Variants in SDCCAG8 observed in about 807,000 individuals in gnomAD.
The protein encoded by SDCCAG8 is SHH signaling and ciliogenesis regulator SDCCAG8, also known as serologically defined colon cancer antigen 8.
Under a neutral mutation model 101.8 loss-of-function variants are expected in SDCCAG8, and 74 were observed. That is an observed-to-expected ratio of 0.73 (90% CI 0.60 to 0.88). The LOEUF (loss-of-function observed/expected upper bound fraction) is 0.88, where lower values mean the gene tolerates loss of function less well. Ranked by LOEUF, SDCCAG8 falls within the 40% of genes least tolerant of loss-of-function variation. SDCCAG8 has a pLI of 0.00. For synonymous variants in SDCCAG8, 281 were observed against 292.9 expected, an observed-to-expected ratio of 0.96 and a Z score of 0.41; for missense variants, 787 against 822.6, an observed-to-expected ratio of 0.96 and a Z score of 0.53.
chr1:243,387,789 C>T (rs1453201198), intron 13 of SDCCAG8, among the ~76,000 whole-genome samples: 12 of 152,184 alleles, frequency 7.9e-5, no homozygotes, highest in Admixed American at 7.9e-4. Flanking sequence ...GGTCTTGGCT[C>T]ACTACAACCT....
At chr1:243,380,482 A>T (rs1262184675) in intron 13 of SDCCAG8, among the ~76,000 whole-genome samples, 1 of 152,162 alleles carries the variant, frequency 6.6e-6, no homozygotes, top group Admixed American at 6.5e-5. Flanking sequence ...CCCTTTTGCC[A>T]TTCTGTCTTA....
intron 16 of SDCCAG8, among the ~76,000 whole-genome samples, chr1:243,472,445 A>AC (rs1423965404): frequency 6.6e-6 from 1 of 152,208 alleles, no homozygotes; most frequent in African/African-American, 2.4e-5. Flanking sequence ...TGTGCTGCAC[A>AC]CCATGGGGGC....
chr1:243,278,020 C>T (rs957663787), intron 4 of SDCCAG8, among the ~76,000 whole-genome samples: 4 of 152,080 alleles, frequency 2.6e-5, no homozygotes, highest in South Asian at 2.1e-4. Flanking sequence ...ATCAGTTTGT[C>T]GATATCCACA....
rs1046933962 is a variant in SDCCAG8 at position 243,460,864 on chromosome 1, G to A, written c.1986-28150G>A. ...GGAAGTCTGTGGCCTCTTAGCCTGT[G>A]CCTCCCAGCACACCTGAAGAAAACC... On this transcript the variant is annotated intron_variant, in intron 16 of 17. Coordinates refer to ENST00000366541, the MANE Select transcript of SDCCAG8 (RefSeq NM_006642.5). 3.3e-5 allele frequency among the ~76,000 whole-genome samples: 5 copies of A among 152,148 alleles called. No individual in the cohort carries two copies. In the East Asian group the frequency reaches 9.6e-4, roughly 29 times the overall value.
chr1:243,484,614 C>T (rs1283048102), intron 16 of SDCCAG8, among the ~76,000 whole-genome samples: 2 of 152,252 alleles, frequency 1.3e-5, no homozygotes, highest in African/African-American at 4.8e-5. Flanking sequence ...CATTTCTCTT[C>T]ATGCCTCAGT....
Position 243,488,996 on chromosome 1 carries a change from C to T in SDCCAG8, c.1986-18C>T. 1.2e-6 allele frequency: 2 copies of T among 1,613,222 alleles called. No homozygotes were observed. Among genetic ancestry groups the T allele is most frequent in the Non-Finnish European group, 1.7e-6 (2 of 1,180,020 alleles). On this transcript the variant is annotated intron_variant, in intron 16 of 17. Transcript: ENST00000366541. ...CTGACGTTATCCCTCTTTAATTCTG[C>T]GGTGGATTTTTCTCCAGGCTAAGGC...
chr1:243,489,213 A>G, intron 17 of SDCCAG8, 73 bp downstream of exon 17: 7 of 1,564,388 alleles, frequency 4.5e-6, no homozygotes, highest in Non-Finnish European at 6.1e-6. Flanking sequence ...ATGCACCTCA[A>G]CAGGCCGGCT....
intron 16 of SDCCAG8, among the ~76,000 whole-genome samples, chr1:243,480,756 A>C: frequency 1.5e-5 from 1 of 68,380 alleles, no homozygotes; most frequent in African/African-American, 6.3e-5. Flanking sequence ...TGGATGGGGG[A>C]TGGATGGATG....
chr1:243,313,795 C>A (rs539479129), intron 8 of SDCCAG8, among the ~76,000 whole-genome samples: 1 of 152,178 alleles, frequency 6.6e-6, no homozygotes, highest in Non-Finnish European at 1.5e-5. Context: ...CTGTGGATTG[C>A]GGGATCTAGA....
chr1:243,495,182 C>T (rs1667477804), intron 17 of SDCCAG8, among the ~76,000 whole-genome samples: 1 of 152,242 alleles, frequency 6.6e-6, no homozygotes, highest in Non-Finnish European at 1.5e-5. Flanking sequence ...GGACAGGTGG[C>T]ACCGCAGAGC....
intron 11 of SDCCAG8, among the ~76,000 whole-genome samples, chr1:243,343,202 A>T (rs1279232193): frequency 6.6e-6 from 1 of 152,250 alleles, no homozygotes. Context: ...AAAGTTTCCA[A>T]AATCATTATT....
chr1:243,437,630 G>A (rs1421365592), intron 16 of SDCCAG8, among the ~76,000 whole-genome samples: 1 of 148,934 alleles, frequency 6.7e-6, no homozygotes, highest in African/African-American at 2.5e-5. Context: ...CCCACCTCCC[G>A]GGTTCACGCC....
At chr1:243,455,489 G>A (rs1235793621) in intron 16 of SDCCAG8, among the ~76,000 whole-genome samples, 6 of 152,074 alleles carry the variant, frequency 3.9e-5, no homozygotes, top group African/African-American at 7.2e-5. Context: ...GGCTGGTCTC[G>A]ATCTCCTCAC....
chr1:243,345,385 G>T (rs1448500258), intron 12 of SDCCAG8, among the ~76,000 whole-genome samples: 1 of 152,082 alleles, frequency 6.6e-6, no homozygotes, highest in South Asian at 2.1e-4. Context: ...ACTATATTTG[G>T]TGTTGTAATG....
At chr1:243,315,406 T>G (rs867209473) in intron 8 of SDCCAG8, among the ~76,000 whole-genome samples, 3 of 152,376 alleles carry the variant, frequency 2.0e-5, no homozygotes, top group Middle Eastern at 3.4e-3. Flanking sequence ...ATTTACTTCT[T>G]TTTTCATTTC....
chr1:243,316,681 T>G, intron 8 of SDCCAG8, 74 bp from the exon 9 acceptor site: 1 of 1,588,684 alleles, frequency 6.3e-7, no homozygotes, highest in Non-Finnish European at 8.6e-7. Context: ...ATATTAATGC[T>G]TTTCTCTCCC....
chr1:243,398,889 C>G (rs1558412385), intron 13 of SDCCAG8, among the ~76,000 whole-genome samples: 1 of 152,158 alleles, frequency 6.6e-6, no homozygotes, highest in African/African-American at 2.4e-5. Flanking sequence ...GAAGGGATAA[C>G]AAGTTGATTG....
At chr1:243,271,646 G>A (rs796620028) in intron 3 of SDCCAG8, among the ~76,000 whole-genome samples, 24 of 152,032 alleles carry the variant, frequency 1.6e-4, no homozygotes, top group African/African-American at 4.6e-4. Flanking sequence ...TGGTTCAAGC[G>A]ATTCTCCTGC....
At chr1:243,393,570 A>C (rs143526674) in intron 13 of SDCCAG8, among the ~76,000 whole-genome samples, 1 of 152,170 alleles carries the variant, frequency 6.6e-6, no homozygotes, top group Non-Finnish European at 1.5e-5. Context: ...ATAGTGACTG[A>C]GAAAGGAAGA....
Sources: allele counts gnomAD v4.1 joint callset (sites outside exome capture counted in the v4.1 genomes callset), GRCh38; gene constraint gnomAD v4.1.1; transcripts MANE v1.5; gene names NCBI Gene and HGNC (gene_info 2026-07-23, HGNC 2026-07-21).